The following SLC22A3 variants were observed in gnomAD, a reference collection of about 807,000 sequenced individuals.
The protein encoded by SLC22A3 is solute carrier family 22 member 3.
SLC22A3 carries 51 observed loss-of-function variants against 59.1 expected under a neutral mutation model. That is an observed-to-expected ratio of 0.86 (90% CI 0.69 to 1.09). SLC22A3 has a LOEUF of 1.09. SLC22A3 is among the 50% of genes least tolerant of loss of function. SLC22A3 has a pLI of 0.00. For synonymous variants in SLC22A3, 325 were observed against 292.0 expected, an observed-to-expected ratio of 1.11 and a Z score of -1.15; for missense variants, 711 against 726.3, an observed-to-expected ratio of 0.98 and a Z score of 0.24.
At chr6:160,426,457 A>ATTCCCACTCTTCCCTCGGCAGG (rs1375523459) in intron 5 of SLC22A3, 1 of 644,768 alleles carries the variant, frequency 1.6e-6, no homozygotes, top group Admixed American at 6.3e-5. Context: ...TTCCTCCTCT[A>ATTCCCACTCTTCCCTCGGCAGG]TTCCCACTCT....
At chr6:160,438,601 C>T (rs9364556) in intron 7 of SLC22A3, among the ~76,000 whole-genome samples, 119 of 5,188 alleles carry the variant, frequency 0.023, no homozygotes, top group Middle Eastern at 0.33. Flanking sequence ...CACACATACA[C>T]ACACACACAC....
intron 1 of SLC22A3, among the ~76,000 whole-genome samples, chr6:160,354,657 T>TA (rs1448320374): frequency 6.6e-6 from 1 of 152,282 alleles, no homozygotes; most frequent in African/African-American, 2.4e-5. Context: ...TTAAAATTTT[T>TA]AAAAAATTGG....
At chr6:160,422,623 A>G (rs117599796) in intron 5 of SLC22A3, among the ~76,000 whole-genome samples, 1,751 of 152,322 alleles carry the variant, frequency 0.011, 12 homozygotes, top group Non-Finnish European at 0.019. Flanking sequence ...TATTTGAGAG[A>G]CGGAAATAGA....
intron 1 of SLC22A3, among the ~76,000 whole-genome samples, chr6:160,396,005 G>T (rs1786455220): frequency 1.3e-5 from 2 of 152,190 alleles, no homozygotes; most frequent in South Asian, 4.1e-4. Context: ...TTGCAAAGAT[G>T]ATCACAGGAA....
At chr6:160,434,595 T>C (rs576745899) in intron 5 of SLC22A3, among the ~76,000 whole-genome samples, 22 of 152,348 alleles carry the variant, frequency 1.4e-4, no homozygotes, top group Non-Finnish European at 2.9e-4. Flanking sequence ...CATTTTAATG[T>C]ATTAACACAT....
chr6:160,348,890 G>A (rs1290015270), intron 1 of SLC22A3, 42 bp downstream of exon 1: 1 of 1,541,276 alleles, frequency 6.5e-7, no homozygotes, highest in Non-Finnish European at 8.7e-7. Flanking sequence ...GGGAGAGGAC[G>A]ATGCTGGCTC....
intron 9 of SLC22A3, among the ~76,000 whole-genome samples, chr6:160,446,566 G>A (rs1472390642): frequency 2.6e-5 from 4 of 152,182 alleles, no homozygotes; most frequent in South Asian, 4.2e-4. Flanking sequence ...TCACTATCAC[G>A]AGAACAGCAT....
rs415634 is a variant in SLC22A3 at position 160,381,714 on chromosome 6, G to A, written c.430-16265G>A. 5.2e-3 allele frequency among the ~76,000 whole-genome samples: 797 copies of A among 152,248 alleles called. 12 individuals carry two copies. In the East Asian group the frequency reaches 0.062, roughly 12 times the overall value. On this transcript the variant is annotated intron_variant, in intron 1 of 10. Transcript: ENST00000275300. ...CTTTTATTAGCAAAGAGATTATTATGATGTCTATTTTCAGCCATGATTTTT... is the reference window on the plus strand; with the variant it reads ...CTTTTATTAGCAAAGAGATTATTATAATGTCTATTTTCAGCCATGATTTTT...
chr6:160,407,265 C>T, intron 3 of SLC22A3, 70 bp downstream of exon 3: 1 of 1,463,984 alleles, frequency 6.8e-7, no homozygotes, highest in East Asian at 2.3e-5. Context: ...GCTAGTTAAT[C>T]AACCTTCCTC....
At chr6:160,368,957 G>C (rs1583451653) in intron 1 of SLC22A3, among the ~76,000 whole-genome samples, 1 of 152,094 alleles carries the variant, frequency 6.6e-6, no homozygotes, top group East Asian at 1.9e-4. Flanking sequence ...CATGCTTCAG[G>C]CTTCTGATTC....
In SLC22A3 at chr6:160,350,538, G is replaced by A. The variant is rs1173006003; in HGVS notation, c.429+1690G>A. ...TAGGTGGCTTCTTCCACTCCACTCA[G>A]CAGCGCTGCCTAATGCTTACTTCCC... On this transcript the variant is annotated intron_variant, in intron 1 of 10. Coordinates refer to ENST00000275300, the MANE Select transcript of SLC22A3 (RefSeq NM_021977.4). Among the ~76,000 whole-genome samples, 5 of 152,318 alleles carry A rather than the reference G, an allele frequency of 3.3e-5. No individual in the cohort carries two copies. The East Asian group carries it at 9.6e-4, about 29-fold the overall frequency.
intron 1 of SLC22A3, among the ~76,000 whole-genome samples, chr6:160,373,671 T>G (rs1431647619): frequency 6.6e-6 from 1 of 152,190 alleles, no homozygotes; most frequent in Non-Finnish European, 1.5e-5. Flanking sequence ...AGCCCCTGAC[T>G]GGGGCTTCTG....
chr6:160,399,844 A>G (rs563363949), intron 2 of SLC22A3, among the ~76,000 whole-genome samples: 1 of 152,276 alleles, frequency 6.6e-6, no homozygotes, highest in African/African-American at 2.4e-5. Context: ...CAGATCCATA[A>G]GAGAAGTGAG....
chr6:160,388,828 A>C (rs1048881375), intron 1 of SLC22A3, among the ~76,000 whole-genome samples: 1 of 152,252 alleles, frequency 6.6e-6, no homozygotes, highest in African/African-American at 2.4e-5. Context: ...AAGTATGATG[A>C]AAATAGAGAT....
intron 1 of SLC22A3, among the ~76,000 whole-genome samples, chr6:160,362,846 G>A (rs1164656073): frequency 6.6e-6 from 1 of 152,214 alleles, no homozygotes; most frequent in Non-Finnish European, 1.5e-5. Context: ...GGTGGTGCCG[G>A]CAGCCGCGCG....
chr6:160,408,699 T>G, intron 3 of SLC22A3, 54 bp from the exon 4 acceptor site: 1 of 1,566,838 alleles, frequency 6.4e-7, no homozygotes, highest in African/African-American at 1.4e-5. Flanking sequence ...TTTGTTTGTT[T>G]ATTTTGGAGC....
At chr6:160,416,237 A>G (rs1016407907) in intron 5 of SLC22A3, among the ~76,000 whole-genome samples, 2 of 152,198 alleles carry the variant, frequency 1.3e-5, no homozygotes, top group Admixed American at 6.5e-5. Flanking sequence ...TACAAACAGT[A>G]TAACTGTTGT....
chr6:160,378,010 A>G (rs149567875), intron 1 of SLC22A3, among the ~76,000 whole-genome samples: 60 of 152,346 alleles, frequency 3.9e-4, no homozygotes, highest in African/African-American at 1.4e-3. Flanking sequence ...TGATATGAGT[A>G]ACCTGGTGTT....
At position 160,433,651 on chromosome 6, in the gene SLC22A3, G is replaced by A. The variant is rs181129735; in HGVS notation, c.976-3129G>A. On this transcript the variant is annotated intron_variant, in intron 5 of 10. Transcript: ENST00000275300. ...TGAGTCGGGAGGTTGAGGCTGTAGT[G>A]AGTCATGATTACACCACTACACTCT... 3.5e-3 allele frequency among the ~76,000 whole-genome samples: 531 copies of A among 152,196 alleles called. 4 individuals are homozygous for A. Among genetic ancestry groups the A allele is most frequent in the Admixed American group, 0.011 (171 of 15,282 alleles).
Sources: allele counts gnomAD v4.1 joint callset (sites outside exome capture counted in the v4.1 genomes callset), GRCh38; gene constraint gnomAD v4.1.1; transcripts MANE v1.5; gene names NCBI Gene and HGNC (gene_info 2026-07-23, HGNC 2026-07-21).